SLIT1: variants seen among roughly 807,000 people sequenced by gnomAD.
SLIT1 encodes slit guidance ligand 1.
SLIT1 carries 66 observed loss-of-function variants against 186.1 expected under a neutral mutation model. The ratio of observed to expected loss-of-function variants is 0.35; its 90% confidence interval spans 0.29 to 0.44. The LOEUF (loss-of-function observed/expected upper bound fraction) is 0.44. Among genes scored for constraint, SLIT1 ranks in the 20% least tolerant of loss-of-function variants. The probability of loss-of-function intolerance (pLI) is 1.00; values close to 1 mark genes in which losing one functional copy is unlikely to be tolerated. For synonymous variants in SLIT1, 761 were observed against 833.8 expected, an observed-to-expected ratio of 0.91 and a Z score of 1.50; for missense variants, 1,638 against 2,037.4, an observed-to-expected ratio of 0.80 and a Z score of 3.77.
chr10:97,026,893 G>T (rs1434042452), intron 25 of SLIT1, among the ~76,000 whole-genome samples: 2 of 152,140 alleles, frequency 1.3e-5, no homozygotes, highest in African/African-American at 4.8e-5. Flanking sequence ...TAAGAAAATA[G>T]GCCTCAAGAG....
intron 4 of SLIT1, among the ~76,000 whole-genome samples, chr10:97,089,307 T>C (rs906493537): frequency 6.6e-6 from 1 of 152,164 alleles, no homozygotes; most frequent in South Asian, 2.1e-4. Flanking sequence ...GGGGTGAGGC[T>C]CTGAGCTGGG....
intron 4 of SLIT1, among the ~76,000 whole-genome samples, chr10:97,091,030 C>T (rs888776414): frequency 6.6e-6 from 1 of 152,258 alleles, no homozygotes; most frequent in Non-Finnish European, 1.5e-5. Flanking sequence ...TTGTGATACA[C>T]TTGAGATCAT....
chr10:97,040,479 C>T (rs576700262), intron 20 of SLIT1, among the ~76,000 whole-genome samples: 153 of 152,270 alleles, frequency 1.0e-3, no homozygotes, highest in African/African-American at 3.6e-3. Context: ...GTTAGGGGTG[C>T]AGCATCGCCC....
At chr10:97,169,227 GC>G (rs1159847710) in intron 1 of SLIT1, among the ~76,000 whole-genome samples, 3 of 152,204 alleles carry the variant, frequency 2.0e-5, no homozygotes, top group African/African-American at 7.2e-5. Flanking sequence ...GCCGCCATCA[GC>G]CTTGCTCTCT....
In SLIT1 at chr10:97,022,381, G is replaced by A. The variant is rs533647335; in HGVS notation, c.2583-968C>T. Among the ~76,000 whole-genome samples the A allele has an allele frequency of 1.3e-5, 2 of 152,324 alleles. No individual in the cohort carries two copies. Among genetic ancestry groups the A allele is most frequent in the African/African-American group, 4.8e-5 (2 of 41,568 alleles). On this transcript the variant is annotated intron_variant, in intron 25 of 36. Transcript: ENST00000266058. The surrounding 1 kb of genome is among the most constrained non-coding windows in gnomAD (Gnocchi z 4.2). ...AGCATTGCAGACAAAGCAAGTGTCTGCCCTGCACAACACTGTGAATGATTA... is the reference window on the plus strand; with the variant it reads ...AGCATTGCAGACAAAGCAAGTGTCTACCCTGCACAACACTGTGAATGATTA...
In SLIT1 at chr10:97,013,757, T is replaced by C; in HGVS notation, c.3187A>G (p.Thr1063Ala). Residue 1063 changes from threonine (T) to alanine (A), a missense_variant, in exon 30 of 37, where the codon ACC becomes GCC. Transcript: ENST00000266058. ...AACACTCACCTGGGCCCATCCGGGG[T>C]GCCCACACACTGGGCCTCGTGTTGA... ...PCQHEAQCVG[T>A]PDGPRCECMP... 6.4e-7 allele frequency: 1 copy of C among 1,551,212 alleles called. No individual in the cohort carries two copies. The highest frequency in any genetic ancestry group is 8.7e-7 in the Non-Finnish European group (1 of 1,146,670).
chr10:97,068,724 C>T lies in SLIT1; in HGVS notation c.414-2638G>A, dbSNP rs1169688679. Among the ~76,000 whole-genome samples the T allele has an allele frequency of 6.6e-6, 1 of 152,300 alleles. No homozygotes were observed. Among genetic ancestry groups the T allele is most frequent in the South Asian group, 2.1e-4 (1 of 4,818 alleles). ...CCTTCCCTTCCTGCTCTCCCCATGG[C>T]ATCTTTCATCTTCGATCTTGGTTAC... On this transcript the variant is annotated intron_variant, in intron 4 of 36. Transcript: ENST00000266058. This position sits in a 1 kb window ranked among gnomAD's most constrained non-coding sequence, Gnocchi z 4.2.
chr10:97,125,818 G>A (rs919842743), intron 4 of SLIT1, among the ~76,000 whole-genome samples: 2 of 151,884 alleles, frequency 1.3e-5, no homozygotes, highest in Non-Finnish European at 2.9e-5. Flanking sequence ...CAGCCTGGGC[G>A]ACAGAGTGAG....
intron 4 of SLIT1, among the ~76,000 whole-genome samples, chr10:97,139,537 AG>A (rs1273987986): frequency 8.5e-5 from 13 of 152,198 alleles, no homozygotes; most frequent in Non-Finnish European, 1.6e-4. Flanking sequence ...TGTGACAGAC[AG>A]GGTACCAAAA....
chr10:97,003,450 A>T (rs1226104067), intron 34 of SLIT1, among the ~76,000 whole-genome samples: 1 of 152,170 alleles, frequency 6.6e-6, no homozygotes, highest in Non-Finnish European at 1.5e-5. Flanking sequence ...CATTTGACAG[A>T]TGCTCATGAC....
chr10:97,123,559 G>A (rs1400542640), intron 4 of SLIT1, among the ~76,000 whole-genome samples: 2 of 152,246 alleles, frequency 1.3e-5, no homozygotes, highest in Middle Eastern at 3.4e-3. Context: ...GGCTGAGGCA[G>A]GTGGATCACT....
chr10:97,185,019 T>G (rs1487403954), intron 1 of SLIT1, among the ~76,000 whole-genome samples: 1 of 152,216 alleles, frequency 6.6e-6, no homozygotes, highest in Non-Finnish European at 1.5e-5. Flanking sequence ...CTGCTGCCCT[T>G]CGTCAGGAGC....
At chr10:97,034,379 G>C in intron 23 of SLIT1, 92 bp downstream of exon 23, 1 of 910,840 alleles carries the variant, frequency 1.1e-6, no homozygotes, top group Non-Finnish European at 1.8e-6. Context: ...CTGCAGGCGA[G>C]GGATCTGGGA....
intron 4 of SLIT1, among the ~76,000 whole-genome samples, chr10:97,095,230 C>T (rs1168139109): frequency 1.3e-5 from 2 of 152,194 alleles, no homozygotes; most frequent in Non-Finnish European, 2.9e-5. Flanking sequence ...TTGCAGTGAG[C>T]AGAGATTGCT....
chr10:97,016,572 G>A (rs1383207144), intron 28 of SLIT1, among the ~76,000 whole-genome samples: 1 of 152,068 alleles, frequency 6.6e-6, no homozygotes, highest in Non-Finnish European at 1.5e-5. Flanking sequence ...ATTTTTAATT[G>A]TCTGTAGAGA....
intron 4 of SLIT1, among the ~76,000 whole-genome samples, chr10:97,097,882 G>A (rs1339851871): frequency 6.6e-6 from 1 of 152,222 alleles, no homozygotes; most frequent in Non-Finnish European, 1.5e-5. Flanking sequence ...CCTACAAAGA[G>A]AGATGGCAAG....
intron 4 of SLIT1, among the ~76,000 whole-genome samples, chr10:97,079,933 G>T (rs1490288998): frequency 1.3e-5 from 2 of 152,174 alleles, no homozygotes; most frequent in Non-Finnish European, 2.9e-5. Flanking sequence ...TGGAGTATGG[G>T]AAATAGGCCA....
At chr10:97,013,985 C>T in intron 29 of SLIT1, 34 bp downstream of exon 29, 1 of 1,607,734 alleles carries the variant, frequency 6.2e-7, no homozygotes, top group Non-Finnish European at 8.5e-7. Context: ...CTGTTCCCCA[C>T]CTCCCCCAGA....
At chr10:97,049,174 C>T (rs1447327162) in intron 13 of SLIT1, 56 bp from the exon 14 acceptor site, 1 of 1,571,388 alleles carries the variant, frequency 6.4e-7, no homozygotes, top group East Asian at 2.2e-5. Context: ...CCCGCGCTGA[C>T]CTCCACCGGG....
Sources: allele counts gnomAD v4.1 joint callset (sites outside exome capture counted in the v4.1 genomes callset), GRCh38; gene constraint gnomAD v4.1.1; non-coding constraint Gnocchi (gnomAD v3.1); transcripts MANE v1.5; gene names NCBI Gene and HGNC (gene_info 2026-07-23, HGNC 2026-07-21).